The following SHOC1 variants were observed in gnomAD, a reference collection of about 807,000 sequenced individuals.
SHOC1 encodes shortage in chiasmata 1.
In SHOC1, 136 loss-of-function variants were observed where a neutral mutation model predicts 179.2. That is an observed-to-expected ratio of 0.76 (90% confidence interval 0.66 to 0.87). The LOEUF is 0.87. Among genes scored for constraint, SHOC1 ranks in the 40% least tolerant of loss-of-function variants. The pLI, the probability that SHOC1 is intolerant of heterozygous loss-of-function variation, is 0.00. For synonymous variants in SHOC1, 489 were observed against 586.6 expected (o/e 0.83, Z 2.41); for missense variants, 1,538 against 1,700.8 (o/e 0.90, Z 1.68).
At chr9:111,701,783 A>T (rs1163393298) in intron 23 of SHOC1, among the ~76,000 whole-genome samples, 1 of 152,176 alleles carries the variant, frequency 6.6e-6, no homozygotes, top group Non-Finnish European at 1.5e-5. Context: ...TACCAACCTG[A>T]TAACAAGTGT....
At chr9:111,781,131 T>G (rs1836024194) in intron 3 of SHOC1, 114 bp from the exon 4 acceptor site, 4 of 725,546 alleles carry the variant, frequency 5.5e-6, no homozygotes, top group Non-Finnish European at 9.0e-6. Flanking sequence ...TTCACAAATG[T>G]ATTTTTTCAA....
At chr9:111,709,306 CACT>C (rs1832425645) in intron 18 of SHOC1, among the ~76,000 whole-genome samples, 3 of 152,202 alleles carry the variant, frequency 2.0e-5, no homozygotes, top group Non-Finnish European at 4.4e-5. Context: ...CGTGCCATTG[CACT>C]CCAGCCTGGG....
At chr9:111,776,425 G>T (rs1419580785) in intron 4 of SHOC1, among the ~76,000 whole-genome samples, 1 of 152,178 alleles carries the variant, frequency 6.6e-6, no homozygotes, top group Non-Finnish European at 1.5e-5. Context: ...CTTCAAAACA[G>T]AAATGATAAA....
At chr9:111,757,417 A>G (rs1164091588) in intron 7 of SHOC1, among the ~76,000 whole-genome samples, 2 of 152,112 alleles carry the variant, frequency 1.3e-5, no homozygotes, top group East Asian at 3.8e-4. Flanking sequence ...ATGTTTTTTT[A>G]AAGTAGCTTT....
Position 111,693,931 on chromosome 9 carries a change from A to G in SHOC1, c.3333T>C (p.Leu1111=), listed in dbSNP as rs753625467. 1.2e-4 allele frequency: 197 copies of G among 1,609,736 alleles called. 1 individual carries two copies. In the East Asian group the frequency reaches 4.3e-3, roughly 35 times the overall value. Residue 1111 remains leucine (L), a synonymous_variant, in exon 26 of 28, where the codon CTT becomes CTC. Coordinates refer to ENST00000682961, the MANE Select transcript of SHOC1 (RefSeq NM_001378211.1). ...CCAATGGGTTAATACATGGAAAATC[A>G]AGTAAGTACATTTCTTCCTAGAAAA... ...VSPSEEEMYL[L]DFPCINPLVA... is the part of the protein sequence containing the mutation.
At chr9:111,777,172 T>G (rs1484168055) in intron 4 of SHOC1, among the ~76,000 whole-genome samples, 1 of 152,074 alleles carries the variant, frequency 6.6e-6, no homozygotes, top group Non-Finnish European at 1.5e-5. Context: ...GAGTGCAGGG[T>G]CTGCAAAATA....
At chr9:111,791,498 G>T in intron 1 of SHOC1, 44 bp from the exon 2 acceptor site, 1 of 865,886 alleles carries the variant, frequency 1.2e-6, no homozygotes, top group Non-Finnish European at 1.7e-6. Flanking sequence ...AAAATAGCAA[G>T]TCAAGTGCAG....
rs766451367 is a variant in SHOC1 at position 111,775,902 on chromosome 9, A to G, written c.331T>C (p.Ser111Pro). The change falls in exon 5 of 28, where the codon TCC becomes CCC. Residue 111 changes from serine (S) to proline (P), a missense_variant. Transcript: ENST00000682961. ...CTGACCTCCTCTACTTCAATTTGGG[A>G]GTCTGGATTTGAACTTGGAACAACT... Reference protein sequence around the residue: ...EEVVPSSNPDSQIEVEEVSLY... With the variant: ...EEVVPSSNPDPQIEVEEVSLY... The G allele has an allele frequency of 6.2e-7, 1 of 1,613,680 alleles. No homozygotes were observed. The highest frequency in any genetic ancestry group is 1.1e-5 in the South Asian group (1 of 91,062).
chr9:111,716,378 TC>T (rs1326660751), intron 16 of SHOC1, among the ~76,000 whole-genome samples: 3 of 130,696 alleles, frequency 2.3e-5, no homozygotes, highest in East Asian at 2.3e-4. Flanking sequence ...CTTTCTTTTC[TC>T]CCTTTTTTTT....
At chr9:111,768,583 G>A (rs979666187) in intron 5 of SHOC1, among the ~76,000 whole-genome samples, 2 of 152,178 alleles carry the variant, frequency 1.3e-5, no homozygotes, top group African/African-American at 4.8e-5. Context: ...TTTTGGTGGA[G>A]TCTTTGGGTT....
At chr9:111,701,426 G>A (rs2131341182) in intron 23 of SHOC1, among the ~76,000 whole-genome samples, 1 of 151,962 alleles carries the variant, frequency 6.6e-6, no homozygotes, top group Non-Finnish European at 1.5e-5. Context: ...TGAAAATCTG[G>A]GTAAAAATAA....
rs1008420206 is a variant in SHOC1, at chr9:111,686,690, G to A, written c.*80C>T. ...AACAATTGTGTTTTCTTTAGTGTATGAGCAAATCTAAATAATTGCGCTAGT... is the reference window on the plus strand; with the variant it reads ...AACAATTGTGTTTTCTTTAGTGTATAAGCAAATCTAAATAATTGCGCTAGT... On this transcript the variant is annotated 3_prime_UTR_variant, in exon 28 of 28. Coordinates refer to ENST00000682961, the MANE Select transcript of SHOC1 (RefSeq NM_001378211.1). The A allele has an allele frequency of 1.7e-5, 15 of 881,522 alleles. No individual in the cohort carries two copies. In the Admixed American group the frequency reaches 2.9e-4, roughly 17 times the overall value. 54.6% of individuals were successfully genotyped at this position (881,522 alleles called of 1,614,324 possible).
chr9:111,712,308 G>A (rs1832586541), intron 18 of SHOC1, among the ~76,000 whole-genome samples: 1 of 152,176 alleles, frequency 6.6e-6, no homozygotes, highest in African/African-American at 2.4e-5. Context: ...AATTGTCCAT[G>A]GATGATGGGA....
chr9:111,702,491 G>A (rs985605534), intron 22 of SHOC1, among the ~76,000 whole-genome samples: 6 of 152,168 alleles, frequency 3.9e-5, no homozygotes, highest in African/African-American at 1.4e-4. Context: ...AGCCTATGGA[G>A]TGCCCCTAGT....
chr9:111,690,759 C>T (rs1831390212), intron 27 of SHOC1, among the ~76,000 whole-genome samples: 1 of 152,158 alleles, frequency 6.6e-6, no homozygotes, highest in Non-Finnish European at 1.5e-5. Context: ...CCAAGCATTA[C>T]AAGTCCTGTA....
intron 5 of SHOC1, among the ~76,000 whole-genome samples, chr9:111,769,975 GTTTTTTT>G: frequency 0.52 from 45,552 of 87,480 alleles, 9,948 homozygotes; most frequent in East Asian, 0.76. Context: ...TTTATCTTCT[GTTTTTTT>G]TTTGTTTTTT....
chr9:111,735,267 G>A (rs934668482), intron 12 of SHOC1, among the ~76,000 whole-genome samples: 1 of 151,898 alleles, frequency 6.6e-6, no homozygotes, highest in Non-Finnish European at 1.5e-5. Context: ...TACATGTTAT[G>A]GTGGTTTGCT....
intron 5 of SHOC1, chr9:111,759,303 T>C: frequency 6.2e-7 from 1 of 1,601,798 alleles, no homozygotes; most frequent in Non-Finnish European, 8.5e-7. Flanking sequence ...GGAATGGAGA[T>C]GGTCTACAGT....
intron 3 of SHOC1, among the ~76,000 whole-genome samples, chr9:111,785,081 AT>A (rs1161659669): frequency 3.3e-5 from 5 of 152,090 alleles, no homozygotes; most frequent in African/African-American, 1.2e-4. Flanking sequence ...CAATAGCTTA[AT>A]TTTCTGGTCC....
Sources: allele counts gnomAD v4.1 joint callset (sites outside exome capture counted in the v4.1 genomes callset), GRCh38; gene constraint gnomAD v4.1.1; transcripts MANE v1.5; gene names NCBI Gene and HGNC (gene_info 2026-07-23, HGNC 2026-07-21).